Variants in CACNA1A observed in about 807,000 individuals in gnomAD.
The protein encoded by CACNA1A is voltage-dependent P/Q-type calcium channel subunit alpha-1A.
In CACNA1A, 57 loss-of-function variants were observed where a neutral mutation model predicts 262.4. The observed-to-expected ratio is 0.22, with a 90% CI of 0.18 to 0.27. CACNA1A has a LOEUF of 0.27. Ranked by LOEUF, CACNA1A falls within the 10% of genes least tolerant of loss-of-function variation. CACNA1A has a pLI of 1.00. For missense variants in CACNA1A, 2,526 were observed against 3,562.8 expected, an observed-to-expected ratio of 0.71 and a Z score of 7.41; for synonymous variants, 1,431 against 1,419.3, an observed-to-expected ratio of 1.01 and a Z score of -0.18.
At chr19:13,466,878 T>TTATTTATTTATTTATG (rs1357790028) in intron 1 of CACNA1A, among the ~76,000 whole-genome samples, 6 of 68,980 alleles carry the variant, frequency 8.7e-5, no homozygotes, top group African/African-American at 6.7e-4. Context: ...TAAATTTCCA[T>TTATTTATTTATTTATG]TATTTATTTA....
Position 13,241,040 on chromosome 19 carries a change from G to A in CACNA1A, c.4950+4142C>T, listed in dbSNP as rs2056067479. On this transcript the variant is annotated intron_variant, in intron 31 of 46. Transcript: ENST00000360228. The surrounding 1 kb of genome is among the most constrained non-coding windows in gnomAD (Gnocchi z 4.0). ...GCTGGTCAAGGCCAAAGATCTTGTGGGCTTGAGATGGAGGATTGGGGACAG... is the reference window on the plus strand; with the variant it reads ...GCTGGTCAAGGCCAAAGATCTTGTGAGCTTGAGATGGAGGATTGGGGACAG... Among the ~76,000 whole-genome samples, 2 of 152,332 alleles carry A rather than the reference G, an allele frequency of 1.3e-5. No homozygotes were observed. Among genetic ancestry groups the A allele is most frequent in the East Asian group, 1.9e-4 (1 of 5,188 alleles).
rs756780624 is a variant in CACNA1A at position 13,209,390 on chromosome 19, G to C, written c.6448C>G (p.Arg2150Gly). The change falls in exon 45 of 47, where the codon CGG becomes GGG. Residue 2150 changes from arginine to glycine, a missense_variant. By Grantham distance (125) the Arg-to-Gly change is moderately radical. Around this residue, in one of 17 missense-constraint regions of CACNA1A, gnomAD observed 929 missense variants for 868.1 expected, o/e 1.07. Transcript: ENST00000360228. ...CGGTCGCGGCGCCGCTGGTGGTGCC[G>C]CTGGTTCTCCTCGGGCGGGACCCGC... Reference protein sequence around the residue: ...LERVPPEENQRHHQRRRDRSH... With the variant: ...LERVPPEENQGHHQRRRDRSH... 7.1e-7 allele frequency: 1 copy of C among 1,401,098 alleles called. No homozygotes were observed. The highest frequency in any genetic ancestry group is 9.3e-7 in the Non-Finnish European group (1 of 1,074,274). 86.8% of individuals were successfully genotyped at this position (1,401,098 alleles called of 1,614,324 possible). A position where few individuals can be genotyped will look rare whatever the true frequency, so the allele number is the denominator to read the frequency against.
At chr19:13,223,676 A>G (rs1313702441) in intron 38 of CACNA1A, among the ~76,000 whole-genome samples, 1 of 152,278 alleles carries the variant, frequency 6.6e-6, no homozygotes. Flanking sequence ...AGTCAGCTCA[A>G]TGCCCCGGGT....
rs757916955 is a variant in CACNA1A, at chr19:13,308,236, G to A, written c.1797C>T (p.Leu599=). The A allele has an allele frequency of 3.1e-6, 5 of 1,613,574 alleles. No individual in the cohort carries two copies. The highest frequency in any genetic ancestry group is 2.2e-5 in the East Asian group (1 of 44,876). ...TGAGGAGAGAGACGACCAGGTTTCT[G>A]AGAGATGCCCAGTACCTGCCGACAG... ...IFKVTKYWAS[L]RNLVVSLLNS... is the part of the protein sequence containing the mutation. The change falls in exon 14 of 47, where the codon CTC becomes CTT. Residue 599 remains leucine, a synonymous_variant. Transcript: ENST00000360228. This position sits in a 1 kb window ranked among gnomAD's most constrained non-coding sequence, Gnocchi z 4.2.
chr19:13,336,286 T>C (rs977904379), intron 6 of CACNA1A, among the ~76,000 whole-genome samples: 21 of 152,220 alleles, frequency 1.4e-4, no homozygotes, highest in African/African-American at 4.3e-4. Flanking sequence ...AACACAGTCA[T>C]AGACTCCCCT....
rs10407778 is a variant in CACNA1A at position 13,332,322 on chromosome 19, C to T, written c.1255+547G>A. On this transcript the variant is annotated intron_variant, in intron 9 of 46. Transcript: ENST00000360228. ...AGGCTGAGGCAGAGAATTGCTTGAA[C>T]CTGGGAGCCAGAGGTTGCAGTGAGG... 2.1e-3 allele frequency among the ~76,000 whole-genome samples: 314 copies of T among 152,042 alleles called. 2 individuals are homozygous for T. Among genetic ancestry groups the T allele is most frequent in the African/African-American group, 7.2e-3 (298 of 41,482 alleles).
intron 3 of CACNA1A, among the ~76,000 whole-genome samples, chr19:13,434,150 ATTG>A (rs979821243): frequency 2.6e-5 from 4 of 152,068 alleles, no homozygotes; most frequent in Non-Finnish European, 4.4e-5. Context: ...TGTGTTCACT[ATTG>A]TTGTTGTTAT....
chr19:13,499,047 C>T lies in CACNA1A; in HGVS notation c.293+6885G>A, dbSNP rs531238758. Among the ~76,000 whole-genome samples, 3 of 152,000 alleles carry T rather than the reference C, an allele frequency of 2.0e-5. No homozygotes were observed. In the East Asian group the frequency reaches 5.8e-4, roughly 29 times the overall value. ...TTTAGGGAGTGAGGAGAAAGAAGACCAAAGTTTGGAAGGGGAGGGGGGTAC... is the reference window on the plus strand; with the variant it reads ...TTTAGGGAGTGAGGAGAAAGAAGACTAAAGTTTGGAAGGGGAGGGGGGTAC... On this transcript the variant is annotated intron_variant, in intron 1 of 46. Transcript: ENST00000360228.
chr19:13,300,486 T>A, intron 18 of CACNA1A, 64 bp downstream of exon 18: 1 of 1,162,458 alleles, frequency 8.6e-7, no homozygotes, highest in Admixed American at 1.7e-5. Context: ...TTCCCAAATC[T>A]GTGCCTGGGA....
Position 13,251,335 on chromosome 19 carries a change from T to C in CACNA1A, c.4866+1656A>G, listed in dbSNP as rs1035345639. On this transcript the variant is annotated intron_variant, in intron 30 of 46. Transcript: ENST00000360228. Reference sequence around the variant, plus strand: ...CATCTCTACTAAAAATACAAACAATTAGCCAGGTGTGGTGGCAGGCACCTG... The same window carrying C: ...CATCTCTACTAAAAATACAAACAATCAGCCAGGTGTGGTGGCAGGCACCTG... 3.4e-4 allele frequency among the ~76,000 whole-genome samples: 51 copies of C among 151,484 alleles called. 2 individuals are homozygous for C. Among genetic ancestry groups the C allele is most frequent in the Admixed American group, 6.6e-5 (1 of 15,148 alleles).
chr19:13,348,432 G>A (rs535990284), intron 6 of CACNA1A, among the ~76,000 whole-genome samples: 319 of 152,294 alleles, frequency 2.1e-3, no homozygotes, highest in Non-Finnish European at 3.9e-3. Flanking sequence ...GCTGGGCATG[G>A]TGGCTCATGC....
At chr19:13,357,641 G>C (rs756654475) in intron 6 of CACNA1A, among the ~76,000 whole-genome samples, 28 of 152,168 alleles carry the variant, frequency 1.8e-4, no homozygotes, top group Non-Finnish European at 3.5e-4. Context: ...TAGTAGGTGA[G>C]GGAAGGTGAA....
In CACNA1A at chr19:13,234,406, G is replaced by A. The variant is rs575423782; in HGVS notation, c.5249+515C>T. 1.3e-4 allele frequency among the ~76,000 whole-genome samples: 19 copies of A among 147,630 alleles called. No homozygotes were observed. The South Asian group carries it at 3.5e-3, about 27-fold the overall frequency. On this transcript the variant is annotated intron_variant, in intron 34 of 46. Coordinates refer to ENST00000360228, the MANE Select transcript of CACNA1A (RefSeq NM_001127222.2). ...CCCAAAAAACCTACACTGAACGAGT[G>A]AAGGAACTTTTGTGTGCAGCCAAGA...
chr19:13,323,151 C>T lies in CACNA1A; in HGVS notation c.1346-5830G>A, dbSNP rs994221261. Among the ~76,000 whole-genome samples, 42 of 152,048 alleles carry T rather than the reference C, an allele frequency of 2.8e-4. 1 individual carries two copies. Among genetic ancestry groups the T allele is most frequent in the African/African-American group, 9.9e-4 (41 of 41,486 alleles). The stretch of plus-strand genomic sequence containing the variant: ...GCGTGTGCCTGTAATTTCAGTTACT[C>T]GGGAGGCTGAGGCAGGAGAATCCCT... On this transcript the variant is annotated intron_variant, in intron 10 of 46. Transcript: ENST00000360228.
intron 3 of CACNA1A, among the ~76,000 whole-genome samples, chr19:13,443,493 C>T (rs2060760397): frequency 6.6e-6 from 1 of 152,026 alleles, no homozygotes; most frequent in South Asian, 2.1e-4. Flanking sequence ...AGGCATGTAC[C>T]AACATACCTG....
intron 11 of CACNA1A, among the ~76,000 whole-genome samples, chr19:13,313,035 T>G (rs2058062497): frequency 6.6e-6 from 1 of 152,044 alleles, no homozygotes; most frequent in African/African-American, 2.4e-5. Flanking sequence ...TTTTTAAAAT[T>G]TTTATGTGGA....
At chr19:13,492,410 C>G (rs577035163) in intron 1 of CACNA1A, among the ~76,000 whole-genome samples, 4 of 152,158 alleles carry the variant, frequency 2.6e-5, no homozygotes, top group Non-Finnish European at 5.9e-5. Context: ...GGAGGGCAAG[C>G]CTGATTGGGC....
chr19:13,417,591 A>G (rs2060245120), intron 3 of CACNA1A, among the ~76,000 whole-genome samples: 1 of 152,168 alleles, frequency 6.6e-6, no homozygotes, highest in Non-Finnish European at 1.5e-5. Flanking sequence ...ACAAGGAGTT[A>G]AAAGAGAACC....
At chr19:13,441,300 T>C (rs1364575177) in intron 3 of CACNA1A, among the ~76,000 whole-genome samples, 2 of 152,104 alleles carry the variant, frequency 1.3e-5, no homozygotes, top group Non-Finnish European at 2.9e-5. Context: ...GCTGTCCTCA[T>C]TTAGAGATGC....
Sources: gnomAD v4.1 joint callset for allele counts (sites outside exome capture counted in the v4.1 genomes callset) on GRCh38, gnomAD v4.1.1 for gene constraint, gnomAD v4.1.1 regional missense constraint, Gnocchi (gnomAD v3.1) non-coding constraint, MANE v1.5 for transcripts, NCBI Gene and HGNC (gene_info 2026-07-23, HGNC 2026-07-21) for gene names.